Variants in GPBP1L1 observed in about 807,000 individuals in gnomAD.
GPBP1L1 encodes GC-rich promoter binding protein 1 like 1.
In GPBP1L1, 23 loss-of-function variants were observed where a neutral mutation model predicts 52.5. The ratio of observed to expected loss-of-function variants is 0.44; its 90% CI spans 0.32 to 0.62. GPBP1L1 has a LOEUF of 0.62. Ranked by LOEUF, GPBP1L1 falls within the 20% of genes least tolerant of loss-of-function variation. GPBP1L1 has a pLI of 0.06. For missense variants in GPBP1L1, 596 were observed against 579.3 expected (o/e 1.03, Z -0.30); for synonymous variants, 243 against 203.1 (o/e 1.20, Z -1.67).
chr1:45,662,036 C>T (rs1190558355), intron 2 of GPBP1L1, among the ~76,000 whole-genome samples: 1 of 152,112 alleles, frequency 6.6e-6, no homozygotes, highest in East Asian at 1.9e-4. Flanking sequence ...TTTTTAGATA[C>T]CTGGCTCTCA....
chr1:45,630,859 C>T, intron 10 of GPBP1L1: 1 of 439,096 alleles, frequency 2.3e-6, no homozygotes, highest in South Asian at 2.3e-5. Context: ...ACTGATATTA[C>T]CTGACATCAA....
chr1:45,636,006 A>C (rs1012319406), intron 8 of GPBP1L1, among the ~76,000 whole-genome samples: 17 of 152,194 alleles, frequency 1.1e-4, no homozygotes, highest in African/African-American at 4.1e-4. Flanking sequence ...CTTCTGAGTA[A>C]GTCAGTATAC....
At chr1:45,680,197 G>C (rs1645195305) in intron 2 of GPBP1L1, among the ~76,000 whole-genome samples, 1 of 150,686 alleles carries the variant, frequency 6.6e-6, no homozygotes, top group Non-Finnish European at 1.5e-5. Flanking sequence ...TTAAACAAAT[G>C]AGTGATTTAA....
intron 2 of GPBP1L1, among the ~76,000 whole-genome samples, chr1:45,671,831 T>TAATA (rs141577520): frequency 0.017 from 2,589 of 151,190 alleles, 81 homozygotes; most frequent in African/African-American, 0.058. Flanking sequence ...TCTCTAATAA[T>TAATA]AATAAATAAA....
At chr1:45,673,647 G>C (rs1645103158) in intron 2 of GPBP1L1, among the ~76,000 whole-genome samples, 1 of 152,162 alleles carries the variant, frequency 6.6e-6, no homozygotes, top group African/African-American at 2.4e-5. Context: ...GGATCACAAG[G>C]TCAGGAGTTC....
intron 6 of GPBP1L1, among the ~76,000 whole-genome samples, chr1:45,649,754 C>T (rs968149616): frequency 1.3e-5 from 2 of 151,978 alleles, no homozygotes; most frequent in African/African-American, 4.8e-5. Context: ...AATGCTAATA[C>T]CTCCCTAACT....
At chr1:45,687,784 TTC>T (rs1645308820), upstream of GPBP1L1, 1 of 152,280 alleles carries the variant, frequency 6.6e-6, no homozygotes, top group Non-Finnish European at 1.5e-5. Context: ...CTGGGCTTTT[TTC>T]CCCCTCTAAA....
intron 11 of GPBP1L1, among the ~76,000 whole-genome samples, 197 bp downstream of exon 11, chr1:45,630,285 T>C (rs577858461): frequency 2.8e-4 from 43 of 152,218 alleles, no homozygotes; most frequent in South Asian, 1.9e-3. Flanking sequence ...GGAGAGTAGA[T>C]TGTGGAAAAG....
chr1:45,637,586 A>G (rs1486112351), intron 8 of GPBP1L1, among the ~76,000 whole-genome samples: 3 of 143,384 alleles, frequency 2.1e-5, no homozygotes, highest in African/African-American at 7.7e-5. Flanking sequence ...ACAGGGCTAA[A>G]GTGATCTTAA....
At chr1:45,650,412 T>C (rs1169067171) in intron 6 of GPBP1L1, among the ~76,000 whole-genome samples, 1 of 152,214 alleles carries the variant, frequency 6.6e-6, no homozygotes, top group African/African-American at 2.4e-5. Context: ...TTCCTGTCTA[T>C]ATCATGTACT....
chr1:45,671,006 C>T (rs1215818566), intron 2 of GPBP1L1, among the ~76,000 whole-genome samples: 7 of 151,794 alleles, frequency 4.6e-5, no homozygotes, highest in Non-Finnish European at 1.0e-4. Context: ...GTTAGCCAGG[C>T]TTGTCTCGAA....
intron 11 of GPBP1L1, 72 bp downstream of exon 11, chr1:45,630,410 A>G (rs1644515038): frequency 2.0e-6 from 3 of 1,538,366 alleles, no homozygotes; most frequent in African/African-American, 1.4e-5. Context: ...TCTATCTGAG[A>G]TATCTTCTCC....
intron 9 of GPBP1L1, 160 bp from the exon 10 acceptor site, chr1:45,633,807 G>C (rs1213944909): frequency 1.3e-6 from 1 of 792,788 alleles, no homozygotes; most frequent in Non-Finnish European, 2.0e-6. Flanking sequence ...CAGTTTTGCA[G>C]GGTTTATATA....
chr1:45,648,219 C>T (rs990594960), intron 6 of GPBP1L1, among the ~76,000 whole-genome samples: 6 of 152,300 alleles, frequency 3.9e-5, no homozygotes, highest in African/African-American at 1.2e-4. Context: ...CAATCACAGG[C>T]GTGAGCCACT....
chr1:45,651,263 CTT>C (rs770868208), intron 6 of GPBP1L1: 7 of 406,810 alleles, frequency 1.7e-5, no homozygotes, highest in Non-Finnish European at 3.3e-5. Context: ...ACATCCCACT[CTT>C]GACTTCCCCT....
chr1:45,661,299 T>G (rs900484940), intron 2 of GPBP1L1, 74 bp from the exon 3 acceptor site: 6 of 152,156 alleles, frequency 3.9e-5, no homozygotes, highest in Non-Finnish European at 7.3e-5. Context: ...TCTGCTAAAA[T>G]GAGACACAGT....
chr1:45,635,796 A>C (rs1209838929), intron 8 of GPBP1L1: 1 of 152,152 alleles, frequency 6.6e-6, no homozygotes, highest in Non-Finnish European at 1.5e-5. Context: ...AAATTCTAAA[A>C]TCACTGGGCT....
chr1:45,668,510 C>T (rs1253957992), intron 2 of GPBP1L1, among the ~76,000 whole-genome samples: 2 of 151,978 alleles, frequency 1.3e-5, no homozygotes, highest in Non-Finnish European at 2.9e-5. Context: ...AAGAATTAGC[C>T]GGGCATGATG....
intron 6 of GPBP1L1, among the ~76,000 whole-genome samples, chr1:45,643,486 T>A (rs755361575): frequency 6.6e-6 from 1 of 152,012 alleles, no homozygotes; most frequent in South Asian, 2.1e-4. Context: ...AAGAGACCAT[T>A]AGGAGATCAA....
Sources: allele counts gnomAD v4.1 joint callset (sites outside exome capture counted in the v4.1 genomes callset), GRCh38; gene constraint gnomAD v4.1.1; transcripts MANE v1.5; gene names NCBI Gene and HGNC (gene_info 2026-07-23, HGNC 2026-07-21).